OTUD7A: variants seen among roughly 807,000 people sequenced by gnomAD.
OTUD7A encodes the protein OTU deubiquitinase 7A, also known as OTU domain-containing protein 7A.
Under a neutral mutation model 65.7 loss-of-function variants are expected in OTUD7A, and 12 were observed. That is an observed-to-expected ratio of 0.18 (90% CI 0.12 to 0.30). OTUD7A has a LOEUF of 0.30. Among genes scored for constraint, OTUD7A ranks in the 10% least tolerant of loss-of-function variants. The probability of loss-of-function intolerance (pLI) is 1.00; values close to 1 mark genes in which losing one functional copy is unlikely to be tolerated. For synonymous variants in OTUD7A, 641 were observed against 586.3 expected (o/e 1.09, Z -1.35); for missense variants, 1,148 against 1,304.8 (o/e 0.88, Z 1.85).
chr15:31,618,423 C>T (rs1198553031), intron 3 of OTUD7A, among the ~76,000 whole-genome samples: 1 of 152,224 alleles, frequency 6.6e-6, no homozygotes, highest in Non-Finnish European at 1.5e-5. Flanking sequence ...TATTTCTCCA[C>T]ATCCTCTCCA....
chr15:31,704,752 C>T (rs1332084790), intron 1 of OTUD7A, among the ~76,000 whole-genome samples: 6 of 115,654 alleles, frequency 5.2e-5, no homozygotes, highest in Admixed American at 1.0e-4. Flanking sequence ...TGCAAGCTGA[C>T]GGTTCACAAG....
intron 1 of OTUD7A, among the ~76,000 whole-genome samples, chr15:31,782,111 G>A (rs1365049225): frequency 2.0e-5 from 3 of 152,330 alleles, no homozygotes; most frequent in South Asian, 4.1e-4. Flanking sequence ...CAGACGTGAC[G>A]CACAGTGACA....
rs528379673 is a variant in OTUD7A, at chr15:31,515,581, T to C, written c.893+10768A>G. Among the ~76,000 whole-genome samples, 11 of 152,092 alleles carry C rather than the reference T, an allele frequency of 7.2e-5. 2 individuals carry two copies. Among genetic ancestry groups the C allele is most frequent in the African/African-American group, 2.7e-4 (11 of 41,458 alleles). On this transcript the variant is annotated intron_variant, in intron 8 of 12. Coordinates refer to ENST00000307050, the MANE Select transcript of OTUD7A (RefSeq NM_001382637.1). ...ATCCATCCTTCTTCCTATCTATCTA[T>C]CCATCCATTCATCCATCTATCCATC...
intron 1 of OTUD7A, among the ~76,000 whole-genome samples, chr15:31,797,510 C>A (rs544234419): frequency 6.6e-6 from 1 of 152,150 alleles, no homozygotes; most frequent in Non-Finnish European, 1.5e-5. Context: ...CCTGTCTTTT[C>A]CCCCAGAGGA....
chr15:31,635,705 T>C (rs1309498330), intron 3 of OTUD7A, among the ~76,000 whole-genome samples: 2 of 152,198 alleles, frequency 1.3e-5, no homozygotes, highest in Non-Finnish European at 2.9e-5. Flanking sequence ...AAAAAGTCGA[T>C]GTAACTGGAG....
At chr15:31,680,052 A>T (rs1947116931) in intron 1 of OTUD7A, among the ~76,000 whole-genome samples, 1 of 152,202 alleles carries the variant, frequency 6.6e-6, no homozygotes, top group Non-Finnish European at 1.5e-5. Context: ...ATGAAAATAC[A>T]AATTCGACAA....
At chr15:31,851,241 T>C (rs1283652538) in intron 1 of OTUD7A, among the ~76,000 whole-genome samples, 1 of 152,124 alleles carries the variant, frequency 6.6e-6, no homozygotes, top group Non-Finnish European at 1.5e-5. Context: ...GAAGGATGCA[T>C]TGAGGGAATT....
chr15:31,505,415 G>A (rs536074821), intron 8 of OTUD7A, among the ~76,000 whole-genome samples: 1 of 152,104 alleles, frequency 6.6e-6, no homozygotes. Flanking sequence ...TTTTATTATG[G>A]CTAGCAGATA....
rs116755213 is a variant in OTUD7A, at chr15:31,828,964, C to T, written c.-100+41543G>A. 9.1e-3 allele frequency among the ~76,000 whole-genome samples: 1,381 copies of T among 152,232 alleles called. 24 individuals carry two copies. Among genetic ancestry groups the T allele is most frequent in the African/African-American group, 0.032 (1,314 of 41,536 alleles). ...GTCCATGCATTGAACTGGCTCTATC[C>T]AAGCAGAGAAAAGTGCTCATGCTCA... On this transcript the variant is annotated intron_variant, in intron 1 of 12. Transcript: ENST00000307050.
chr15:31,573,159 A>C (rs1889103249), intron 3 of OTUD7A, among the ~76,000 whole-genome samples: 2 of 152,176 alleles, frequency 1.3e-5, no homozygotes, highest in South Asian at 4.1e-4. Flanking sequence ...TTAGCAACAT[A>C]CTTCTTGGCA....
chr15:31,708,932 G>A (rs1893368059), intron 1 of OTUD7A, among the ~76,000 whole-genome samples: 1 of 151,614 alleles, frequency 6.6e-6, no homozygotes, highest in Admixed American at 6.5e-5. Context: ...GGCCCCAGTG[G>A]AGGGGAATGT....
intron 3 of OTUD7A, among the ~76,000 whole-genome samples, chr15:31,615,056 A>T (rs1890545317): frequency 6.6e-6 from 1 of 152,224 alleles, no homozygotes. Context: ...TTTGATTTAT[A>T]CAAAATTATG....
Position 31,544,149 on chromosome 15 carries a change from T to G in OTUD7A, c.551-13341A>C, listed in dbSNP as rs575209925. 4.0e-5 allele frequency among the ~76,000 whole-genome samples: 6 copies of G among 151,834 alleles called. No individual in the cohort carries two copies. In the East Asian group the frequency reaches 1.2e-3, roughly 29 times the overall value. ...TTACAATAATTCATGGGTCAAATAA[T>G]AAACCAAAATGAAAATCAGAAAATA... On this transcript the variant is annotated intron_variant, in intron 5 of 12. Coordinates refer to ENST00000307050, the MANE Select transcript of OTUD7A (RefSeq NM_001382637.1).
intron 3 of OTUD7A, among the ~76,000 whole-genome samples, chr15:31,641,370 A>T (rs4372658): frequency 0.6 from 90,670 of 152,054 alleles, 28,916 homozygotes; most frequent in East Asian, 0.91. Context: ...ATGTGAGAAC[A>T]AATATGCTTT....
chr15:31,822,778 G>C (rs1397640801), intron 1 of OTUD7A, among the ~76,000 whole-genome samples: 1 of 152,128 alleles, frequency 6.6e-6, no homozygotes, highest in Non-Finnish European at 1.5e-5. Flanking sequence ...CAAATCACTT[G>C]GGAAATGCAC....
At chr15:31,734,113 G>C (rs1894121233) in intron 1 of OTUD7A, among the ~76,000 whole-genome samples, 1 of 152,112 alleles carries the variant, frequency 6.6e-6, no homozygotes, top group African/African-American at 2.4e-5. Flanking sequence ...ACCAACAACA[G>C]TCAAGCCAAG....
intron 1 of OTUD7A, among the ~76,000 whole-genome samples, chr15:31,681,583 C>G (rs1165602754): frequency 1.3e-5 from 2 of 150,576 alleles, no homozygotes; most frequent in East Asian, 3.9e-4. Context: ...GAATGTCTGT[C>G]TATATATCCC....
At chr15:31,732,281 T>C (rs1455086221) in intron 1 of OTUD7A, among the ~76,000 whole-genome samples, 3 of 152,190 alleles carry the variant, frequency 2.0e-5, no homozygotes, top group African/African-American at 7.2e-5. Flanking sequence ...CTGGTACACA[T>C]GCGCAGAGCT....
intron 3 of OTUD7A, among the ~76,000 whole-genome samples, chr15:31,570,940 C>T (rs186531240): frequency 9.9e-5 from 15 of 152,280 alleles, no homozygotes; most frequent in East Asian, 5.8e-4. Flanking sequence ...ACACTACACC[C>T]GATTCAGTTA....
Sources: gnomAD v4.1 joint callset for allele counts (sites outside exome capture counted in the v4.1 genomes callset) on GRCh38, gnomAD v4.1.1 for gene constraint, MANE v1.5 for transcripts, NCBI Gene and HGNC (gene_info 2026-07-23, HGNC 2026-07-21) for gene names.